The following MYO9A variants were observed in gnomAD, a reference collection of about 807,000 sequenced individuals.
MYO9A encodes unconventional myosin-IXa.
A neutral mutation model predicts 293.3 loss-of-function variants in MYO9A; 103 were observed. That is an observed-to-expected ratio of 0.35 (90% confidence interval 0.30 to 0.41). MYO9A has a LOEUF of 0.41. Among genes scored for constraint, MYO9A ranks in the 10% least tolerant of loss-of-function variants. The pLI, the probability that MYO9A is intolerant of heterozygous loss-of-function variation, is 1.00. For synonymous variants in MYO9A, 1,001 were observed against 1,035.7 expected (o/e 0.97, Z 0.64); for missense variants, 2,685 against 3,033.0 (o/e 0.89, Z 2.69).
chr15:71,989,542 A>C (rs897103007), intron 11 of MYO9A, among the ~76,000 whole-genome samples: 7 of 152,228 alleles, frequency 4.6e-5, no homozygotes, highest in Non-Finnish European at 1.5e-5. Flanking sequence ...GCTTGGATGT[A>C]AAACCCAAAG....
intron 18 of MYO9A, among the ~76,000 whole-genome samples, chr15:71,929,403 A>G (rs755466427): frequency 6.6e-6 from 1 of 152,180 alleles, no homozygotes; most frequent in Non-Finnish European, 1.5e-5. Flanking sequence ...ACTTTTCACC[A>G]ATGAGTATAA....
chr15:71,934,994 T>C (rs2058595813), intron 17 of MYO9A: 1 of 166,740 alleles, frequency 6.0e-6, no homozygotes, highest in Admixed American at 6.0e-5. Context: ...TGGATAATTA[T>C]AGTAAAAATT....
chr15:72,050,390 C>G (rs2957375), intron 1 of MYO9A, among the ~76,000 whole-genome samples: 1 of 151,782 alleles, frequency 6.6e-6, no homozygotes, highest in Non-Finnish European at 1.5e-5. Context: ...GGATAGATCA[C>G]GAGGTCAGGA....
At chr15:71,872,638 T>A (rs1368763513) in intron 32 of MYO9A, among the ~76,000 whole-genome samples, 1 of 152,180 alleles carries the variant, frequency 6.6e-6, no homozygotes, top group Admixed American at 6.5e-5. Flanking sequence ...ATGGATATAA[T>A]ATAAACCCCT....
chr15:72,049,977 T>A (rs1337869706), intron 1 of MYO9A, among the ~76,000 whole-genome samples: 1 of 152,222 alleles, frequency 6.6e-6, no homozygotes, highest in East Asian at 1.9e-4. Context: ...AGTCCTATCT[T>A]GGACCACTGT....
chr15:72,049,564 C>G (rs1242214278), intron 1 of MYO9A, among the ~76,000 whole-genome samples: 1 of 152,210 alleles, frequency 6.6e-6, no homozygotes. Context: ...CATGGCCTGT[C>G]AGAAACTGGG....
intron 8 of MYO9A, among the ~76,000 whole-genome samples, chr15:72,000,654 T>A (rs1596351237): frequency 6.6e-6 from 1 of 152,166 alleles, no homozygotes; most frequent in Non-Finnish European, 1.5e-5. Context: ...TATTATTATT[T>A]TTTGAGACAG....
chr15:72,035,218 A>T (rs1413211398), intron 2 of MYO9A, among the ~76,000 whole-genome samples: 1 of 152,228 alleles, frequency 6.6e-6, no homozygotes, highest in Non-Finnish European at 1.5e-5. Flanking sequence ...AAAGTAAAAC[A>T]TTCACAGAAA....
At chr15:71,941,928 A>G (rs371226603) in intron 15 of MYO9A, among the ~76,000 whole-genome samples, 21 of 152,274 alleles carry the variant, frequency 1.4e-4, no homozygotes, top group East Asian at 7.7e-4. Flanking sequence ...AACTCCACTC[A>G]TAAGTATTTA....
chr15:71,865,127 T>TAG (rs2056280152), intron 32 of MYO9A, among the ~76,000 whole-genome samples: 1 of 152,222 alleles, frequency 6.6e-6, no homozygotes, highest in Non-Finnish European at 1.5e-5. Flanking sequence ...CAGAAAGTCA[T>TAG]AGTCCTTAAC....
At chr15:72,034,920 A>G (rs2077995543) in intron 2 of MYO9A, among the ~76,000 whole-genome samples, 1 of 152,194 alleles carries the variant, frequency 6.6e-6, no homozygotes, top group Non-Finnish European at 1.5e-5. Flanking sequence ...ATCACTACAT[A>G]AAGTCATTTA....
Position 71,826,661 on chromosome 15 carries a change from A to ATGTGGCTGTG in MYO9A, c.7565_7566insCACAGCCACA (p.Gly2523ThrfsTer25). On this transcript the variant is annotated frameshift_variant, in exon 42 of 42. Coordinates refer to ENST00000356056, the MANE Select transcript of MYO9A (RefSeq NM_006901.4). LOFTEE classifies it high-confidence loss of function. ...CTGGGTCCACAGTTTTTCTGCGGCC[A>ATGTGGCTGTG]GACATGACTGTCCCCTCTGGGGTCT... 7 of 1,613,850 alleles carry ATGTGGCTGTG rather than the reference A, an allele frequency of 4.3e-6. No homozygotes were observed. The highest frequency in any genetic ancestry group is 5.9e-6 in the Non-Finnish European group (7 of 1,179,948).
intron 9 of MYO9A, among the ~76,000 whole-genome samples, chr15:71,998,200 A>G (rs1567364418): frequency 6.6e-6 from 1 of 152,174 alleles, no homozygotes; most frequent in East Asian, 1.9e-4. Context: ...ACCATTATCC[A>G]TTGCAAACTA....
At chr15:72,033,773 T>G (rs2077951825) in intron 2 of MYO9A, among the ~76,000 whole-genome samples, 1 of 152,204 alleles carries the variant, frequency 6.6e-6, no homozygotes, top group African/African-American at 2.4e-5. Flanking sequence ...TGTGTAGATT[T>G]TATTGTAAGT....
intron 18 of MYO9A, among the ~76,000 whole-genome samples, chr15:71,929,495 T>C (rs531059445): frequency 1.3e-5 from 2 of 152,360 alleles, no homozygotes; most frequent in East Asian, 3.9e-4. Flanking sequence ...GCTTTTATCA[T>C]GACAGGTTGA....
intron 31 of MYO9A, 67 bp from the exon 32 acceptor site, chr15:71,875,905 T>G (rs968732295): frequency 1.1e-6 from 1 of 908,280 alleles, no homozygotes; most frequent in African/African-American, 1.7e-5. Flanking sequence ...CTTACTTCAT[T>G]GCAAATGTTA....
At chr15:72,041,554 T>C in intron 2 of MYO9A, 1 of 338,482 alleles carries the variant, frequency 3.0e-6, no homozygotes, top group East Asian at 7.9e-5. Context: ...GGTTGTCCTT[T>C]GAACATCATG....
At chr15:71,865,676 C>A (rs565007521) in intron 32 of MYO9A, among the ~76,000 whole-genome samples, 1 of 152,106 alleles carries the variant, frequency 6.6e-6, no homozygotes, top group Non-Finnish European at 1.5e-5. Context: ...TGAGTGAGTG[C>A]TCAGAAAGTA....
chr15:72,106,812 T>C (rs2080585495), intron 1 of MYO9A, among the ~76,000 whole-genome samples: 1 of 152,114 alleles, frequency 6.6e-6, no homozygotes, highest in Non-Finnish European at 1.5e-5. Context: ...ATAAAATAAG[T>C]AGACCTAACT....
Sources: gnomAD v4.1 joint callset for allele counts (sites outside exome capture counted in the v4.1 genomes callset) on GRCh38, gnomAD v4.1.1 for gene constraint, MANE v1.5 for transcripts, NCBI Gene and HGNC (gene_info 2026-07-23, HGNC 2026-07-21) for gene names.